SPATA17: variants seen among roughly 807,000 people sequenced by gnomAD.
The protein encoded by SPATA17 is spermatogenesis-associated protein 17.
Under a neutral mutation model 62.2 loss-of-function variants are expected in SPATA17, and 53 were observed. That is an observed-to-expected ratio of 0.85 (90% confidence interval 0.68 to 1.07). SPATA17 has a LOEUF of 1.07. Ranked by LOEUF, SPATA17 falls within the 50% of genes least tolerant of loss-of-function variation. The probability of loss-of-function intolerance (pLI) is 0.00; values close to 1 mark genes in which losing one functional copy is unlikely to be tolerated. For missense variants in SPATA17, 466 were observed against 425.5 expected (o/e 1.10, Z -0.84); for synonymous variants, 146 against 146.8 (o/e 0.99, Z 0.04).
chr1:217,647,966 G>A (rs1164203469), intron 1 of SPATA17, among the ~76,000 whole-genome samples: 3 of 151,844 alleles, frequency 2.0e-5, no homozygotes, highest in Non-Finnish European at 4.4e-5. Flanking sequence ...CAGATGATCC[G>A]CCCACCTTGG....
intron 5 of SPATA17, among the ~76,000 whole-genome samples, chr1:217,736,728 C>A (rs959871986): frequency 6.6e-6 from 1 of 152,156 alleles, no homozygotes; most frequent in Non-Finnish European, 1.5e-5. Flanking sequence ...TGTATTGTGC[C>A]AAATAGCTTC....
In SPATA17 at chr1:217,826,045, T is replaced by C. The variant is rs561379732; in HGVS notation, c.1005+24195T>C. On this transcript the variant is annotated intron_variant, in intron 9 of 10. Transcript: ENST00000366933. ...ATGTATTTTTGTTACTATATGAGTC[T>C]GCTCAGGCTGCTGTAACAATATACT... 9.1e-4 allele frequency among the ~76,000 whole-genome samples: 139 copies of C among 152,270 alleles called. 3 individuals carry two copies. In the South Asian group the frequency reaches 0.028, roughly 30 times the overall value.
At chr1:217,710,483 T>C (rs774111313) in intron 5 of SPATA17, among the ~76,000 whole-genome samples, 2 of 152,154 alleles carry the variant, frequency 1.3e-5, no homozygotes, top group African/African-American at 4.8e-5. Flanking sequence ...TGATGGTTAC[T>C]ATCTCATAAC....
Position 217,707,969 on chromosome 1 carries a change from G to A in SPATA17, c.395+24608G>A, listed in dbSNP as rs547588001. Among the ~76,000 whole-genome samples the A allele has an allele frequency of 5.9e-5, 9 of 152,294 alleles. No homozygotes were observed. In the South Asian group the frequency reaches 8.3e-4, roughly 14 times the overall value. On this transcript the variant is annotated intron_variant, in intron 5 of 10. Transcript: ENST00000366933. ...CTTGAGTGACCTTTGTGTAAACAATGAAATTAAGGCTGGAATCAAGGAATT... is the reference window on the plus strand; with the variant it reads ...CTTGAGTGACCTTTGTGTAAACAATAAAATTAAGGCTGGAATCAAGGAATT...
At chr1:217,651,617 T>C (rs1318485863) in intron 3 of SPATA17, among the ~76,000 whole-genome samples, 1 of 152,338 alleles carries the variant, frequency 6.6e-6, no homozygotes, top group Middle Eastern at 3.4e-3. Flanking sequence ...AGGCTTCTTT[T>C]GTCTTCTCTT....
chr1:217,754,997 T>G (rs920063373), intron 6 of SPATA17, among the ~76,000 whole-genome samples: 1 of 152,136 alleles, frequency 6.6e-6, no homozygotes. Context: ...CATAAGTATT[T>G]AAGTTCTGAG....
intron 5 of SPATA17, among the ~76,000 whole-genome samples, chr1:217,712,103 G>C (rs753028264): frequency 1.3e-5 from 2 of 149,568 alleles, no homozygotes; most frequent in Non-Finnish European, 3.0e-5. Context: ...AGCAGTCAGT[G>C]GACCCTTAAG....
chr1:217,750,055 A>G (rs370306729), intron 6 of SPATA17, among the ~76,000 whole-genome samples: 12 of 140,202 alleles, frequency 8.6e-5, no homozygotes, highest in Admixed American at 2.2e-4. Flanking sequence ...GTGGAAATTC[A>G]GAAGCCTCCC....
intron 6 of SPATA17, among the ~76,000 whole-genome samples, chr1:217,753,971 A>G (rs1175299814): frequency 6.6e-6 from 1 of 152,084 alleles, no homozygotes; most frequent in Non-Finnish European, 1.5e-5. Context: ...ACAGTGTCTC[A>G]CGCCTGTAAT....
intron 7 of SPATA17, among the ~76,000 whole-genome samples, chr1:217,781,833 C>A (rs928027368): frequency 6.6e-6 from 1 of 151,864 alleles, no homozygotes; most frequent in African/African-American, 2.4e-5. Flanking sequence ...GGAGACAATC[C>A]TTTTTTTAAT....
chr1:217,731,249 T>G (rs540907596), intron 5 of SPATA17, among the ~76,000 whole-genome samples: 1 of 152,268 alleles, frequency 6.6e-6, no homozygotes, highest in African/African-American at 2.4e-5. Context: ...CTGTGACTTC[T>G]GCTAGCACTT....
In SPATA17 at chr1:217,631,451, G is replaced by T; in HGVS notation, c.68+5G>T. ...TCAGTACTACTTTAGGAACAGGTAA[G>T]TCAGGAAGAGAAGGATCGCGTAAAG... On this transcript the variant is annotated splice_donor_5th_base_variant and intron_variant, in intron 1 of 10. Transcript: ENST00000366933. The T allele has an allele frequency of 6.2e-7, 1 of 1,614,142 alleles. No individual in the cohort carries two copies. Among genetic ancestry groups the T allele is most frequent in the East Asian group, 2.2e-5 (1 of 44,878 alleles).
intron 9 of SPATA17, among the ~76,000 whole-genome samples, chr1:217,830,535 G>C (rs1675115955): frequency 6.6e-6 from 1 of 152,000 alleles, no homozygotes; most frequent in Admixed American, 6.6e-5. Context: ...TATTCTCATA[G>C]ATTCATTTTA....
chr1:217,727,243 G>T (rs946749211), intron 5 of SPATA17, among the ~76,000 whole-genome samples: 8 of 121,422 alleles, frequency 6.6e-5, no homozygotes, highest in Admixed American at 3.5e-4. Flanking sequence ...GCAAAACTCC[G>T]TCTCAATAAT....
intron 5 of SPATA17, among the ~76,000 whole-genome samples, chr1:217,710,839 T>TC (rs1232810640): frequency 6.6e-6 from 1 of 152,094 alleles, no homozygotes; most frequent in Non-Finnish European, 1.5e-5. Flanking sequence ...ATTCTACTTG[T>TC]CCCCCCTCAC....
At chr1:217,839,951 T>C (rs915625300) in intron 9 of SPATA17, among the ~76,000 whole-genome samples, 1 of 152,106 alleles carries the variant, frequency 6.6e-6, no homozygotes, top group Non-Finnish European at 1.5e-5. Context: ...GTGAAGTTGC[T>C]CTGCAATAAA....
chr1:217,696,090 G>A (rs11117908), intron 5 of SPATA17, among the ~76,000 whole-genome samples: 35,120 of 152,134 alleles, frequency 0.23, 4,463 homozygotes, highest in East Asian at 0.58. Context: ...CCCTCTGCTA[G>A]CCTTGCTGCC....
intron 3 of SPATA17, among the ~76,000 whole-genome samples, chr1:217,661,108 AG>A (rs1376047918): frequency 6.6e-6 from 1 of 152,148 alleles, no homozygotes; most frequent in Non-Finnish European, 1.5e-5. Flanking sequence ...TGGAGATAAA[AG>A]TTCTAGATCC....
intron 8 of SPATA17, among the ~76,000 whole-genome samples, chr1:217,788,040 G>A (rs1023641929): frequency 6.6e-6 from 1 of 152,082 alleles, no homozygotes; most frequent in African/African-American, 2.4e-5. Flanking sequence ...CAAAAGGGAG[G>A]CCATAATGGT....
Sources: allele counts gnomAD v4.1 joint callset (sites outside exome capture counted in the v4.1 genomes callset), GRCh38; gene constraint gnomAD v4.1.1; transcripts MANE v1.5; gene names NCBI Gene and HGNC (gene_info 2026-07-23, HGNC 2026-07-21).